THSD7A: variants seen among roughly 807,000 people sequenced by gnomAD.
The protein encoded by THSD7A is thrombospondin type 1 domain containing 7A.
A neutral mutation model predicts 231.3 loss-of-function variants in THSD7A; 96 were observed. The observed-to-expected ratio is 0.41, with a 90% CI of 0.35 to 0.49. The LOEUF (loss-of-function observed/expected upper bound fraction) is 0.49, where lower values mean the gene tolerates loss of function less well. Among genes scored for constraint, THSD7A ranks in the 20% least tolerant of loss-of-function variants. The pLI is 0.05. For missense variants in THSD7A, 2,290 were observed against 2,070.2 expected (o/e 1.11, Z -2.06); for synonymous variants, 940 against 743.3 (o/e 1.26, Z -4.30).
intron 1 of THSD7A, among the ~76,000 whole-genome samples, chr7:11,693,189 A>G (rs946478120): frequency 2.6e-5 from 4 of 151,622 alleles, no homozygotes; most frequent in African/African-American, 9.7e-5. Flanking sequence ...CATTTTGATT[A>G]TATAGATGTA....
Position 11,820,630 on chromosome 7 carries a change from C to T in THSD7A, c.190+11127G>A. 4 of 750,186 alleles carry T rather than the reference C, an allele frequency of 5.3e-6. No individual in the cohort carries two copies. In the South Asian group the frequency reaches 5.9e-5, roughly 11 times the overall value. The allele number at this position is 750,186 out of a possible 1,614,324, so 46.5% of individuals were successfully genotyped here. A position where few individuals can be genotyped will look rare whatever the true frequency, so the allele number is the denominator to read the frequency against. On this transcript the variant is annotated intron_variant, in intron 1 of 27. Transcript: ENST00000423059. ...CCTCTGGCTTGAAATTGAAAGTTTC[C>T]TCGAGCGCTCTGCCACCTCCTCTTT... is the stretch of plus-strand genomic sequence containing the variant.
intron 5 of THSD7A, among the ~76,000 whole-genome samples, chr7:11,541,938 G>A (rs1789168241): frequency 1.1e-5 from 1 of 88,188 alleles, no homozygotes; most frequent in African/African-American, 3.8e-5. Flanking sequence ...GGAGTAGGGT[G>A]GGAACAGAGA....
chr7:11,825,481 T>C (rs1784998901), intron 1 of THSD7A, among the ~76,000 whole-genome samples: 1 of 152,120 alleles, frequency 6.6e-6, no homozygotes, highest in Non-Finnish European at 1.5e-5. Context: ...GTGCATTTAC[T>C]GGAAAAGAAA....
intron 1 of THSD7A, among the ~76,000 whole-genome samples, chr7:11,687,307 T>C (rs1434063148): frequency 6.6e-6 from 1 of 151,972 alleles, no homozygotes; most frequent in African/African-American, 2.4e-5. Flanking sequence ...ATATGTTCAA[T>C]TTAAAATCAT....
At position 11,463,372 on chromosome 7, in the gene THSD7A, T is replaced by TAACAAC. The variant is rs571374876; in HGVS notation, c.2369-1235_2369-1230dup. 5.2e-3 allele frequency among the ~76,000 whole-genome samples: 787 copies of TAACAAC among 152,202 alleles called. 6 individuals carry two copies. Among genetic ancestry groups the TAACAAC allele is most frequent in the Non-Finnish European group, 7.0e-3 (473 of 67,984 alleles). On this transcript the variant is annotated intron_variant, in intron 9 of 27. Transcript: ENST00000423059. Reference sequence around the variant, plus strand: ...GGCTGACTTCATAGGAGAATCTCTTTAACAACAACAACAACAAATTTCTGG... The same window carrying TAACAAC: ...GGCTGACTTCATAGGAGAATCTCTTTAACAACAACAACAACAACAACAAATTTCTGG...
intron 22 of THSD7A, among the ~76,000 whole-genome samples, chr7:11,403,685 C>T (rs558074814): frequency 6.6e-6 from 1 of 152,180 alleles, no homozygotes; most frequent in Admixed American, 6.5e-5. Context: ...TATTTTGCAA[C>T]AAAATGTAAT....
intron 9 of THSD7A, 24 bp downstream of exon 9, chr7:11,469,855 C>T: frequency 6.6e-7 from 1 of 1,518,194 alleles, no homozygotes; most frequent in South Asian, 1.2e-5. Flanking sequence ...AGGTGAACAG[C>T]CTTCCTAACT....
chr7:11,469,257 C>T (rs188588801), intron 9 of THSD7A, among the ~76,000 whole-genome samples: 1 of 152,228 alleles, frequency 6.6e-6, no homozygotes, highest in East Asian at 1.9e-4. Flanking sequence ...CCTTTCTCAT[C>T]AGCAATGAGA....
intron 2 of THSD7A, among the ~76,000 whole-genome samples, chr7:11,610,420 T>C (rs1780884633): frequency 6.6e-6 from 1 of 152,110 alleles, no homozygotes; most frequent in African/African-American, 2.4e-5. Context: ...ACCAATGTTG[T>C]AGGTAAAGTT....
chr7:11,741,573 GA>G (rs1393614814), intron 1 of THSD7A, among the ~76,000 whole-genome samples: 1 of 151,800 alleles, frequency 6.6e-6, no homozygotes, highest in Non-Finnish European at 1.5e-5. Context: ...AAATATCAGG[GA>G]ATATTAGACA....
intron 1 of THSD7A, among the ~76,000 whole-genome samples, chr7:11,828,032 C>T (rs898136131): frequency 2.0e-5 from 3 of 152,148 alleles, no homozygotes; most frequent in Non-Finnish European, 4.4e-5. Flanking sequence ...CTTCTATTGT[C>T]GGAGTTCTGT....
chr7:11,801,511 T>C (rs984816947), intron 1 of THSD7A, among the ~76,000 whole-genome samples: 1 of 152,146 alleles, frequency 6.6e-6, no homozygotes, highest in African/African-American at 2.4e-5. Context: ...ATTTTAACCC[T>C]GGTGCATATG....
intron 1 of THSD7A, among the ~76,000 whole-genome samples, chr7:11,706,672 C>A (rs1584240762): frequency 8.5e-6 from 1 of 118,330 alleles, no homozygotes; most frequent in Middle Eastern, 5.4e-3. Context: ...TATCAACTGC[C>A]TAGCAAGAAC....
At chr7:11,419,671 G>A (rs894754305) in intron 16 of THSD7A, among the ~76,000 whole-genome samples, 11 of 152,226 alleles carry the variant, frequency 7.2e-5, no homozygotes, top group African/African-American at 2.7e-4. Flanking sequence ...ATGGGCAGAG[G>A]TTGGAACAGT....
chr7:11,428,967 T>C lies in THSD7A; in HGVS notation c.3223A>G (p.Lys1075Glu), dbSNP rs778721697. ...AATACCTGGTTGACATGGTCCAGTT[T>C]GGGGCAAGGCCTTCCTCCATTATAT... ...KPYNGGRPCP[K>E]LDHVNQAQVY... The change falls in exon 14 of 28, where the codon AAA becomes GAA. Residue 1075 changes from lysine (K) to glutamate (E), a missense_variant. Coordinates refer to ENST00000423059, the MANE Select transcript of THSD7A (RefSeq NM_015204.3). 3 of 1,610,514 alleles carry C rather than the reference T, an allele frequency of 1.9e-6. No homozygotes were observed. The highest frequency in any genetic ancestry group is 2.5e-6 in the Non-Finnish European group (3 of 1,178,490).
At chr7:11,649,279 A>C (rs1782403697) in intron 1 of THSD7A, among the ~76,000 whole-genome samples, 2 of 151,972 alleles carry the variant, frequency 1.3e-5, no homozygotes, top group African/African-American at 4.8e-5. Context: ...GTTAATTCTT[A>C]AGAGGACTGC....
chr7:11,721,761 T>C (rs1357049262), intron 1 of THSD7A, among the ~76,000 whole-genome samples: 1 of 151,890 alleles, frequency 6.6e-6, no homozygotes, highest in Non-Finnish European at 1.5e-5. Flanking sequence ...AAACTGATTT[T>C]TACATTTGTA....
intron 1 of THSD7A, among the ~76,000 whole-genome samples, chr7:11,672,679 G>C (rs1021940995): frequency 1.3e-5 from 2 of 152,002 alleles, no homozygotes; most frequent in African/African-American, 4.8e-5. Context: ...CTTTTTGGGA[G>C]CATTTGAATC....
intron 2 of THSD7A, among the ~76,000 whole-genome samples, chr7:11,627,376 T>A (rs1781507867): frequency 6.6e-6 from 1 of 152,072 alleles, no homozygotes; most frequent in African/African-American, 2.4e-5. Context: ...TAGCCTTACA[T>A]AATATACCTA....
Sources: gnomAD v4.1 joint callset for allele counts (sites outside exome capture counted in the v4.1 genomes callset) on GRCh38, gnomAD v4.1.1 for gene constraint, MANE v1.5 for transcripts, NCBI Gene and HGNC (gene_info 2026-07-23, HGNC 2026-07-21) for gene names.